CDH9: variants seen among roughly 807,000 people sequenced by gnomAD.
CDH9 encodes cadherin-9.
In CDH9, 28 loss-of-function variants were observed where a neutral mutation model predicts 70.9. The ratio of observed to expected loss-of-function variants is 0.40; its 90% CI spans 0.29 to 0.54. The LOEUF is 0.54. Among genes scored for constraint, CDH9 ranks in the 20% least tolerant of loss-of-function variants. CDH9 has a pLI of 0.59. For missense variants in CDH9, 874 were observed against 984.4 expected, an observed-to-expected ratio of 0.89 and a Z score of 1.50; for synonymous variants, 409 against 343.1, an observed-to-expected ratio of 1.19 and a Z score of -2.12.
At chr5:26,896,368 A>G (rs1268287748) in intron 7 of CDH9, among the ~76,000 whole-genome samples, 1 of 151,878 alleles carries the variant, frequency 6.6e-6, no homozygotes, top group African/African-American at 2.4e-5. Flanking sequence ...TTTTATATGC[A>G]CATACACACC....
intron 1 of CDH9, among the ~76,000 whole-genome samples, chr5:27,023,996 G>C (rs982598237): frequency 4.6e-5 from 7 of 151,890 alleles, no homozygotes; most frequent in African/African-American, 1.7e-4. Flanking sequence ...AGGTTGCAGT[G>C]AGCCCAGATT....
intron 2 of CDH9, among the ~76,000 whole-genome samples, chr5:26,970,191 T>C (rs1742195011): frequency 6.6e-6 from 1 of 151,802 alleles, no homozygotes; most frequent in Non-Finnish European, 1.5e-5. Flanking sequence ...TACCGAATTA[T>C]AATATTTAAC....
intron 1 of CDH9, among the ~76,000 whole-genome samples, chr5:27,008,224 G>T (rs1168142907): frequency 1.3e-5 from 2 of 152,070 alleles, no homozygotes; most frequent in Non-Finnish European, 2.9e-5. Flanking sequence ...AACCGGGCGG[G>T]GTGGCTCACG....
In CDH9 at chr5:26,881,152, T is replaced by C. The variant is rs374297584; in HGVS notation, c.2354A>G (p.Asp785Gly). 9.9e-6 allele frequency: 16 copies of C among 1,608,242 alleles called. No individual in the cohort carries two copies. The highest frequency in any genetic ancestry group is 1.2e-5 in the Non-Finnish European group (14 of 1,177,136). The change falls in exon 12 of 12, where the codon GAT becomes GGT. Residue 785 changes from aspartate (D) to glycine (G), a missense_variant. Coordinates refer to ENST00000231021, the MANE Select transcript of CDH9 (RefSeq NM_016279.4). ...KKLADMYGGDDSDRD is the reference protein window; with the variant it reads ...KKLADMYGGDGSDRD Reference sequence around the variant, plus strand: ...ACAATCCTCTTAGTCTCGGTCACTATCATCACCCCCATACATATCGGCAAG... The same window carrying C: ...ACAATCCTCTTAGTCTCGGTCACTACCATCACCCCCATACATATCGGCAAG...
chr5:26,897,184 A>G (rs1267644073), intron 7 of CDH9, among the ~76,000 whole-genome samples: 2 of 152,012 alleles, frequency 1.3e-5, no homozygotes, highest in African/African-American at 4.8e-5. Flanking sequence ...TTAATAACCT[A>G]CCAACAAAAA....
chr5:26,926,921 C>CT (rs1554037348), intron 2 of CDH9, among the ~76,000 whole-genome samples: 27 of 135,050 alleles, frequency 2.0e-4, no homozygotes, highest in African/African-American at 7.8e-4. Context: ...AATACAGCCC[C>CT]CCCCCGCAAA....
intron 2 of CDH9, among the ~76,000 whole-genome samples, chr5:26,933,968 GA>G (rs1477021754): frequency 1.3e-5 from 2 of 151,660 alleles, no homozygotes; most frequent in Non-Finnish European, 2.9e-5. Flanking sequence ...AATTTATAAA[GA>G]AAAGTGGTTT....
At chr5:26,956,068 G>A (rs1239379286) in intron 2 of CDH9, among the ~76,000 whole-genome samples, 1 of 152,130 alleles carries the variant, frequency 6.6e-6, no homozygotes, top group Non-Finnish European at 1.5e-5. Context: ...CTTGTTGAGG[G>A]GGTTGGTACT....
At chr5:26,995,822 TATCA>T (rs1449018207) in intron 1 of CDH9, among the ~76,000 whole-genome samples, 19 of 152,236 alleles carry the variant, frequency 1.2e-4, no homozygotes, top group South Asian at 6.2e-4. Flanking sequence ...AAATAAATAC[TATCA>T]GATGTACTAT....
At chr5:26,960,139 A>G (rs995381335) in intron 2 of CDH9, among the ~76,000 whole-genome samples, 1 of 152,008 alleles carries the variant, frequency 6.6e-6, no homozygotes, top group Non-Finnish European at 1.5e-5. Context: ...AAATGTTTTC[A>G]GAGAGAAAAA....
At chr5:26,936,096 T>C (rs1042834344) in intron 2 of CDH9, among the ~76,000 whole-genome samples, 1 of 148,458 alleles carries the variant, frequency 6.7e-6, no homozygotes, top group South Asian at 2.2e-4. Context: ...GAGGATTTGG[T>C]GGGGAAGAGT....
At chr5:26,971,874 C>T (rs1263905921) in intron 2 of CDH9, among the ~76,000 whole-genome samples, 2 of 151,954 alleles carry the variant, frequency 1.3e-5, no homozygotes, top group Non-Finnish European at 2.9e-5. Flanking sequence ...GAGAAAATGG[C>T]TCATAAAAAG....
intron 2 of CDH9, among the ~76,000 whole-genome samples, chr5:26,970,757 TA>T (rs34847605): frequency 0.15 from 22,921 of 148,964 alleles, 2,718 homozygotes; most frequent in African/African-American, 0.33. Flanking sequence ...TTTATTTTCT[TA>T]AAAAAAAAAA....
At chr5:26,899,989 G>T (rs1171840699) in intron 7 of CDH9, among the ~76,000 whole-genome samples, 1 of 151,628 alleles carries the variant, frequency 6.6e-6, no homozygotes, top group African/African-American at 2.4e-5. Flanking sequence ...GTAGATAAAA[G>T]TTAACAATAT....
rs1340145990 is a variant in CDH9, at chr5:26,885,619, A to T, written c.1877T>A (p.Leu626Gln). 6.2e-7 allele frequency: 1 copy of T among 1,612,902 alleles called. No individual in the cohort carries two copies. Among genetic ancestry groups the T allele is most frequent in the Non-Finnish European group, 8.5e-7 (1 of 1,179,678 alleles). ...TTCAGAGGGGCAGAGCTTACTAAGC[A>T]GTATGAGGACACAGAGTAGAATCGC... ...LVAILLCVLI[L>Q]LILVVLFAAL... Residue 626 changes from leucine (L) to glutamine (Q), a missense_variant, in exon 11 of 12, where the codon CTG becomes CAG. By Grantham distance (113) the Leu-to-Gln change is moderately radical. Coordinates refer to ENST00000231021, the MANE Select transcript of CDH9 (RefSeq NM_016279.4).
intron 1 of CDH9, among the ~76,000 whole-genome samples, chr5:27,024,762 TCTGA>T (rs781165886): frequency 1.7e-4 from 26 of 152,094 alleles, no homozygotes; most frequent in Admixed American, 5.9e-4. Flanking sequence ...AAACTTATGT[TCTGA>T]CTAAGAGCCT....
intron 11 of CDH9, 44 bp downstream of exon 11, chr5:26,885,570 A>G (rs1274510298): frequency 6.5e-7 from 1 of 1,547,968 alleles, no homozygotes; most frequent in Admixed American, 1.7e-5. Flanking sequence ...AGTGAGGGAG[A>G]GATTTTTGTG....
intron 3 of CDH9, 78 bp from the exon 4 acceptor site, chr5:26,906,916 G>T (rs910032466): frequency 6.9e-7 from 1 of 1,457,092 alleles, no homozygotes; most frequent in Non-Finnish European, 9.1e-7. Flanking sequence ...AAAATATGTT[G>T]CTCTCAGTGT....
chr5:27,013,538 G>A (rs1404292236), intron 1 of CDH9, among the ~76,000 whole-genome samples: 1 of 151,842 alleles, frequency 6.6e-6, no homozygotes, highest in African/African-American at 2.4e-5. Context: ...AATGTGATAC[G>A]TTATTTCTGG....
Sources: allele counts gnomAD v4.1 joint callset (sites outside exome capture counted in the v4.1 genomes callset), GRCh38; gene constraint gnomAD v4.1.1; transcripts MANE v1.5; gene names NCBI Gene and HGNC (gene_info 2026-07-23, HGNC 2026-07-21).